GTF2IRD1: variants seen among roughly 807,000 people sequenced by gnomAD.
The protein encoded by GTF2IRD1 is general transcription factor II-I repeat domain-containing protein 1.
In GTF2IRD1, 26 loss-of-function variants were observed where a neutral mutation model predicts 113.2. That is an observed-to-expected ratio of 0.23 (90% CI 0.17 to 0.32). The LOEUF (loss-of-function observed/expected upper bound fraction) is 0.32, where lower values mean the gene tolerates loss of function less well. Ranked by LOEUF, GTF2IRD1 falls within the 10% of genes least tolerant of loss-of-function variation. GTF2IRD1 has a pLI of 1.00. For synonymous variants in GTF2IRD1, 484 were observed against 529.1 expected, an observed-to-expected ratio of 0.91 and a Z score of 1.17; for missense variants, 864 against 1,280.8, an observed-to-expected ratio of 0.67 and a Z score of 4.97.
chr7:74,459,185 C>T (rs938067461), intron 1 of GTF2IRD1, among the ~76,000 whole-genome samples: 1 of 152,154 alleles, frequency 6.6e-6, no homozygotes, highest in African/African-American at 2.4e-5. Flanking sequence ...GGTGCGGTGG[C>T]TCATGCCTGT....
At chr7:74,565,508 G>A (rs181224425) in intron 22 of GTF2IRD1, among the ~76,000 whole-genome samples, 239 of 151,810 alleles carry the variant, frequency 1.6e-3, no homozygotes, top group Non-Finnish European at 3.1e-3. Context: ...TTGGGCAACA[G>A]AGCACAACCC....
In GTF2IRD1 at chr7:74,574,163, T is replaced by C. The variant is rs1020011129; in HGVS notation, c.2320+14508T>C. The stretch of plus-strand genomic sequence containing the variant: ...CACACCAAGCTAATTTTTTTTTTTT[T>C]TTTTTTTTTTGTATTTTTAGTAGAG... On this transcript the variant is annotated intron_variant, in intron 22 of 26. Coordinates refer to ENST00000424337, the MANE Select transcript of GTF2IRD1 (RefSeq NM_005685.4). 1.0e-4 allele frequency among the ~76,000 whole-genome samples: 15 copies of C among 148,128 alleles called. No individual in the cohort carries two copies. In the South Asian group the frequency reaches 3.2e-3, roughly 32 times the overall value.
Position 74,589,420 on chromosome 7 carries a change from A to G in GTF2IRD1, c.2321-431A>G, listed in dbSNP as rs1172662179. Among the ~76,000 whole-genome samples, 3 of 151,746 alleles carry G rather than the reference A, an allele frequency of 2.0e-5. No homozygotes were observed. The East Asian group carries it at 5.8e-4, about 29-fold the overall frequency. On this transcript the variant is annotated intron_variant, in intron 22 of 26. Transcript: ENST00000424337. Reference sequence around the variant, plus strand: ...CTGATGCTAGAAACCAGCTGCAGCCAGGCACAGTGGCTCACACCTGTAATC... The same window carrying G: ...CTGATGCTAGAAACCAGCTGCAGCCGGGCACAGTGGCTCACACCTGTAATC...
At chr7:74,472,386 G>A (rs1023619386) in intron 1 of GTF2IRD1, among the ~76,000 whole-genome samples, 1 of 152,284 alleles carries the variant, frequency 6.6e-6, no homozygotes, top group East Asian at 1.9e-4. Flanking sequence ...TTTTCAGATG[G>A]GGAAACTGAG....
rs587662815 is a variant in GTF2IRD1, at chr7:74,556,969, G to C, written c.2024-670G>C. On this transcript the variant is annotated intron_variant, in intron 19 of 26. Transcript: ENST00000424337. ...AACACTTTCTGGGTGAGGGTGTCTT[G>C]GTGGCTCATGCCTGTAATCCCAGCA... is the stretch of plus-strand genomic sequence containing the variant. Among the ~76,000 whole-genome samples, 3 of 152,088 alleles carry C rather than the reference G, an allele frequency of 2.0e-5. No individual in the cohort carries two copies. In the South Asian group the frequency reaches 6.2e-4, roughly 32 times the overall value.
chr7:74,533,971 G>A (rs185424360), intron 9 of GTF2IRD1, among the ~76,000 whole-genome samples: 7 of 151,890 alleles, frequency 4.6e-5, no homozygotes, highest in African/African-American at 1.7e-4. Flanking sequence ...CAAGTCTGCA[G>A]TGAGCTATGA....
At chr7:74,521,061 T>G (rs1797266366) in intron 6 of GTF2IRD1, 147 bp from the exon 7 acceptor site, 1 of 583,372 alleles carries the variant, frequency 1.7e-6, no homozygotes, top group Non-Finnish European at 3.1e-6. Flanking sequence ...GGGCCTTGCC[T>G]TGAGTTTGTG....
At chr7:74,596,678 G>A (rs1262541414) in intron 25 of GTF2IRD1, among the ~76,000 whole-genome samples, 1 of 152,004 alleles carries the variant, frequency 6.6e-6, no homozygotes, top group Non-Finnish European at 1.5e-5. Flanking sequence ...GATTGGCCAG[G>A]TGTGGTGGCT....
intron 9 of GTF2IRD1, among the ~76,000 whole-genome samples, chr7:74,533,479 C>T (rs1306175934): frequency 6.6e-6 from 1 of 152,160 alleles, no homozygotes; most frequent in Non-Finnish European, 1.5e-5. Context: ...CTAAATGGGC[C>T]CCTGGGTGCC....
chr7:74,549,239 G>T (rs1554354222), intron 17 of GTF2IRD1, among the ~76,000 whole-genome samples: 2 of 150,586 alleles, frequency 1.3e-5, no homozygotes, highest in African/African-American at 4.9e-5. Flanking sequence ...GGAGGCGGAG[G>T]TTGCACTGAG....
At chr7:74,577,308 G>A (rs587693558) in intron 22 of GTF2IRD1, among the ~76,000 whole-genome samples, 1 of 152,252 alleles carries the variant, frequency 6.6e-6, no homozygotes, top group East Asian at 1.9e-4. Flanking sequence ...CAAAGTGGTG[G>A]GATTACAGGC....
chr7:74,602,577 A>G lies in GTF2IRD1; in HGVS notation c.*144A>G. The G allele has an allele frequency of 2.2e-6, 1 of 461,248 alleles. No homozygotes were observed. Among genetic ancestry groups the G allele is most frequent in the Non-Finnish European group, 3.5e-6 (1 of 284,720 alleles). 28.6% of individuals were successfully genotyped at this position (461,248 alleles called of 1,614,324 possible). A position where few individuals can be genotyped will look rare whatever the true frequency, so the allele number is the denominator to read the frequency against. ...TATTCCTGCCACCAAGGCCTTTTTAAATAAGTAAAAAAAGAAAAAAAAAAA... is the reference window on the plus strand; with the variant it reads ...TATTCCTGCCACCAAGGCCTTTTTAGATAAGTAAAAAAAGAAAAAAAAAAA... On this transcript the variant is annotated 3_prime_UTR_variant, in exon 27 of 27. Transcript: ENST00000424337.
chr7:74,545,923 G>A, intron 16 of GTF2IRD1, 114 bp downstream of exon 16: 1 of 788,316 alleles, frequency 1.3e-6, no homozygotes, highest in East Asian at 2.5e-5. Flanking sequence ...GCTGTTCTCT[G>A]GGCAGGGACA....
chr7:74,590,019 C>A (rs1251361739), intron 23 of GTF2IRD1, 91 bp downstream of exon 23: 5 of 774,846 alleles, frequency 6.5e-6, no homozygotes, highest in Non-Finnish European at 8.8e-6. Context: ...CTTTCAGGAG[C>A]CCCCAGCTGG....
At chr7:74,492,196 AGTCTCACTCT>A (rs1795392020) in intron 1 of GTF2IRD1, among the ~76,000 whole-genome samples, 1 of 147,872 alleles carries the variant, frequency 6.8e-6, no homozygotes, top group African/African-American at 2.5e-5. Context: ...TTTGAGACAG[AGTCTCACTCT>A]GTCGCCCAGG....
intron 1 of GTF2IRD1, among the ~76,000 whole-genome samples, chr7:74,465,382 G>A (rs1174906618): frequency 4.6e-5 from 7 of 152,192 alleles, no homozygotes; most frequent in African/African-American, 1.7e-4. Flanking sequence ...CTTCACAGCA[G>A]GGTGCAGTGG....
intron 22 of GTF2IRD1, among the ~76,000 whole-genome samples, chr7:74,579,620 G>A (rs868973499): frequency 9.3e-4 from 125 of 134,296 alleles, no homozygotes; most frequent in Non-Finnish European, 1.0e-3. Flanking sequence ...TCCATCTTAA[G>A]AAAAAAAAAA....
chr7:74,526,402 G>T (rs1441989898), intron 8 of GTF2IRD1, among the ~76,000 whole-genome samples: 1 of 152,192 alleles, frequency 6.6e-6, no homozygotes, highest in African/African-American at 2.4e-5. Context: ...CATTCCACTG[G>T]TCGTGGGTGA....
intron 8 of GTF2IRD1, among the ~76,000 whole-genome samples, chr7:74,525,489 T>C (rs1437630398): frequency 6.6e-6 from 1 of 152,196 alleles, no homozygotes; most frequent in Non-Finnish European, 1.5e-5. Context: ...CTGTGGCTCA[T>C]GCCTGTCATC....
Sources: allele counts gnomAD v4.1 joint callset (sites outside exome capture counted in the v4.1 genomes callset), GRCh38; gene constraint gnomAD v4.1.1; transcripts MANE v1.5; gene names NCBI Gene and HGNC (gene_info 2026-07-23, HGNC 2026-07-21).